TBL1XR1: variants seen among roughly 807,000 people sequenced by gnomAD.
The protein encoded by TBL1XR1 is TBL1X/Y related 1, also known as F-box-like/WD repeat-containing protein TBL1XR1.
TBL1XR1 carries 5 observed loss-of-function variants against 66.9 expected under a neutral mutation model. The ratio of observed to expected loss-of-function variants is 0.07; its 90% CI spans 0.04 to 0.16. The LOEUF (loss-of-function observed/expected upper bound fraction) is 0.16. Ranked by LOEUF, TBL1XR1 falls within the 10% of genes least tolerant of loss-of-function variation. The pLI is 1.00. For synonymous variants in TBL1XR1, 210 were observed against 206.0 expected (o/e 1.02, Z -0.17); for missense variants, 238 against 623.2 (o/e 0.38, Z 6.58).
At chr3:177,062,021 C>T (rs913426619) in intron 3 of TBL1XR1, among the ~76,000 whole-genome samples, 4 of 152,160 alleles carry the variant, frequency 2.6e-5, no homozygotes, top group African/African-American at 9.7e-5. Flanking sequence ...GTTCACAGAA[C>T]TATAACATTC....
At chr3:177,066,891 A>T (rs1719236109) in intron 2 of TBL1XR1, among the ~76,000 whole-genome samples, 1 of 152,354 alleles carries the variant, frequency 6.6e-6, no homozygotes, top group Non-Finnish European at 1.5e-5. Flanking sequence ...ATCTTCATCT[A>T]AAGAAAAGGT....
intron 1 of TBL1XR1, among the ~76,000 whole-genome samples, chr3:177,125,782 T>C (rs1335292096): frequency 6.6e-6 from 1 of 152,178 alleles, no homozygotes; most frequent in Non-Finnish European, 1.5e-5. Flanking sequence ...TTCCAAGTTT[T>C]CAAATTTCCA....
chr3:177,091,348 T>G (rs1722822987), intron 2 of TBL1XR1, among the ~76,000 whole-genome samples: 2 of 152,110 alleles, frequency 1.3e-5, no homozygotes, highest in Non-Finnish European at 2.9e-5. Flanking sequence ...ATGTCATTTA[T>G]ACTCTACTTT....
chr3:177,181,152 C>G (rs1397841893), intron 1 of TBL1XR1, among the ~76,000 whole-genome samples: 1 of 152,132 alleles, frequency 6.6e-6, no homozygotes, highest in Non-Finnish European at 1.5e-5. Flanking sequence ...AACTCTGAAC[C>G]TCCTCTATTC....
intron 1 of TBL1XR1, among the ~76,000 whole-genome samples, chr3:177,148,156 G>GA (rs1730469798): frequency 1.3e-5 from 2 of 152,102 alleles, no homozygotes; most frequent in Non-Finnish European, 2.9e-5. Flanking sequence ...CACCAATTTA[G>GA]AATATAACAC....
At chr3:177,166,315 C>T (rs573599662) in intron 1 of TBL1XR1, among the ~76,000 whole-genome samples, 2 of 152,248 alleles carry the variant, frequency 1.3e-5, no homozygotes, top group South Asian at 4.2e-4. Context: ...ACATACAACC[C>T]TATTTTAAAA....
At chr3:177,064,477 G>C (rs1718907370) in intron 3 of TBL1XR1, among the ~76,000 whole-genome samples, 2 of 152,134 alleles carry the variant, frequency 1.3e-5, no homozygotes, top group African/African-American at 2.4e-5. Context: ...TAACAATTCA[G>C]ATCAAGGATA....
At chr3:177,069,981 A>G (rs1391072757) in intron 2 of TBL1XR1, among the ~76,000 whole-genome samples, 2 of 152,164 alleles carry the variant, frequency 1.3e-5, no homozygotes, top group Non-Finnish European at 2.9e-5. Context: ...CCTGTCACCT[A>G]TATTTGTATA....
intron 12 of TBL1XR1, 23 bp downstream of exon 12, chr3:177,038,075 T>C (rs765765348): frequency 1.3e-4 from 203 of 1,609,986 alleles, no homozygotes; most frequent in Non-Finnish European, 1.6e-4. Context: ...CGCCAACCCA[T>C]TTCTCCCTAC....
chr3:177,164,534 G>A (rs915109956), intron 1 of TBL1XR1, among the ~76,000 whole-genome samples: 2 of 152,032 alleles, frequency 1.3e-5, no homozygotes, highest in South Asian at 2.1e-4. Context: ...ATTTTCAGTA[G>A]AGATGGGGTT....
At chr3:177,187,905 GAA>G (rs202111731) in intron 1 of TBL1XR1, among the ~76,000 whole-genome samples, 787 of 58,718 alleles carry the variant, frequency 0.013, 13 homozygotes, top group African/African-American at 0.043. Context: ...CATTTAAAAA[GAA>G]AAAAAAAAAA....
intron 1 of TBL1XR1, among the ~76,000 whole-genome samples, chr3:177,118,967 GTTTTT>G (rs956725506): frequency 6.6e-6 from 1 of 151,724 alleles, no homozygotes; most frequent in African/African-American, 2.4e-5. Flanking sequence ...GGATAATCAG[GTTTTT>G]TTTGTTTTTT....
At chr3:177,103,772 G>A (rs1724526186) in intron 1 of TBL1XR1, among the ~76,000 whole-genome samples, 1 of 152,124 alleles carries the variant, frequency 6.6e-6, no homozygotes, top group Non-Finnish European at 1.5e-5. Context: ...GTTCAAGGAA[G>A]TATATCTGGT....
At chr3:177,150,592 T>C (rs1577318797) in intron 1 of TBL1XR1, among the ~76,000 whole-genome samples, 1 of 152,178 alleles carries the variant, frequency 6.6e-6, no homozygotes, top group East Asian at 1.9e-4. Context: ...CAGGTACTGT[T>C]TTTCCATGTC....
At chr3:177,135,383 GTA>G (rs1203851204) in intron 1 of TBL1XR1, among the ~76,000 whole-genome samples, 10 of 23,236 alleles carry the variant, frequency 4.3e-4, no homozygotes, top group East Asian at 1.4e-3. Flanking sequence ...ATATATATAT[GTA>G]TGTATTTTTT....
chr3:177,141,684 G>A (rs1186746414), intron 1 of TBL1XR1, among the ~76,000 whole-genome samples: 1 of 152,174 alleles, frequency 6.6e-6, no homozygotes, highest in Non-Finnish European at 1.5e-5. Flanking sequence ...TTTACAATGT[G>A]TATGTATCGC....
intron 1 of TBL1XR1, among the ~76,000 whole-genome samples, chr3:177,178,603 T>C (rs1448254357): frequency 2.6e-5 from 4 of 152,160 alleles, no homozygotes; most frequent in African/African-American, 4.8e-5. Context: ...TTCCAGCACT[T>C]TGGGATGCCC....
In TBL1XR1 at chr3:177,171,295, G is replaced by A. The variant is rs144565166; in HGVS notation, c.-122+25826C>T. On this transcript the variant is annotated intron_variant, in intron 1 of 15. Coordinates refer to ENST00000457928, the MANE Select transcript of TBL1XR1 (RefSeq NM_024665.7). ...GCAGAGGTTGCAATGAGCTGAGATCGCACCATTGCACTACAGCCTGAGCAA... is the reference window on the plus strand; with the variant it reads ...GCAGAGGTTGCAATGAGCTGAGATCACACCATTGCACTACAGCCTGAGCAA... 6,030 of 152,032 alleles carry A rather than the reference G, an allele frequency of 0.04. 747 individuals carry two copies. In the East Asian group the frequency reaches 0.49, roughly 12 times the overall value. The allele number at this position is 152,032 out of a possible 1,614,324, so 9.4% of individuals were successfully genotyped here.
chr3:177,191,594 G>A (rs1736146146), intron 1 of TBL1XR1, among the ~76,000 whole-genome samples: 1 of 152,162 alleles, frequency 6.6e-6, no homozygotes, highest in Non-Finnish European at 1.5e-5. Flanking sequence ...ATTAAGTATG[G>A]TTAAAAATGG....
Sources: allele counts gnomAD v4.1 joint callset (sites outside exome capture counted in the v4.1 genomes callset), GRCh38; gene constraint gnomAD v4.1.1; transcripts MANE v1.5; gene names NCBI Gene and HGNC (gene_info 2026-07-23, HGNC 2026-07-21).